HMCN1: variants seen among roughly 807,000 people sequenced by gnomAD.
HMCN1 encodes the protein hemicentin 1.
HMCN1 carries 321 observed loss-of-function variants against 625.9 expected under a neutral mutation model. The observed-to-expected ratio is 0.51, with a 90% CI of 0.47 to 0.56. The LOEUF (loss-of-function observed/expected upper bound fraction) is 0.56, where lower values mean the gene tolerates loss of function less well. Ranked by LOEUF, HMCN1 falls within the 20% of genes least tolerant of loss-of-function variation. The pLI is 0.00. For synonymous variants in HMCN1, 2,425 were observed against 2,417.6 expected (o/e 1.00, Z -0.09); for missense variants, 6,588 against 6,887.3 (o/e 0.96, Z 1.54).
At chr1:186,182,515 G>A (rs1653000086) in intron 105 of HMCN1, among the ~76,000 whole-genome samples, 1 of 152,148 alleles carries the variant, frequency 6.6e-6, no homozygotes, top group Non-Finnish European at 1.5e-5. Flanking sequence ...TTACTAGAAG[G>A]AGCAAGAATG....
intron 17 of HMCN1, among the ~76,000 whole-genome samples, 186 bp downstream of exon 17, chr1:185,981,259 A>G (rs904727975): frequency 1.3e-5 from 2 of 152,050 alleles, no homozygotes; most frequent in Non-Finnish European, 2.9e-5. Context: ...AACCTTAGAG[A>G]TTATCTGCTC....
At chr1:185,842,521 G>A (rs1007239469) in intron 1 of HMCN1, among the ~76,000 whole-genome samples, 2 of 151,658 alleles carry the variant, frequency 1.3e-5, no homozygotes, top group Admixed American at 1.3e-4. Flanking sequence ...CTGTGATCAT[G>A]CCATTGCACT....
intron 1 of HMCN1, among the ~76,000 whole-genome samples, chr1:185,790,906 G>A (rs1657945575): frequency 6.6e-6 from 1 of 152,024 alleles, no homozygotes; most frequent in Non-Finnish European, 1.5e-5. Flanking sequence ...AGAGACTAAT[G>A]GTGTATATAA....
At chr1:185,823,703 G>GA (rs1660338801) in intron 1 of HMCN1, among the ~76,000 whole-genome samples, 3 of 152,048 alleles carry the variant, frequency 2.0e-5, no homozygotes, top group Non-Finnish European at 4.4e-5. Context: ...TCCTGTTCTG[G>GA]AAAAATAAAC....
chr1:185,861,521 A>G (rs1662865945), intron 2 of HMCN1, among the ~76,000 whole-genome samples: 1 of 152,200 alleles, frequency 6.6e-6, no homozygotes, highest in South Asian at 2.1e-4. Context: ...TGAATATACA[A>G]TAGGAATTTA....
At chr1:186,079,276 C>G (rs1040694438) in intron 55 of HMCN1, among the ~76,000 whole-genome samples, 4 of 152,170 alleles carry the variant, frequency 2.6e-5, no homozygotes, top group African/African-American at 9.7e-5. Context: ...CTCTCTCTTG[C>G]AGTGTTAGCA....
intron 1 of HMCN1, among the ~76,000 whole-genome samples, chr1:185,786,619 A>T (rs1053527148): frequency 3.3e-5 from 5 of 152,208 alleles, no homozygotes; most frequent in African/African-American, 1.2e-4. Flanking sequence ...ACTAGCTGCA[A>T]ATGCCCTCTT....
chr1:185,885,076 T>C (rs1159042091), intron 4 of HMCN1, among the ~76,000 whole-genome samples: 1 of 149,536 alleles, frequency 6.7e-6, no homozygotes, highest in Non-Finnish European at 1.5e-5. Flanking sequence ...GGACATGCCT[T>C]CATTTTATGT....
intron 1 of HMCN1, among the ~76,000 whole-genome samples, chr1:185,797,965 CAAAAA>C (rs35031310): frequency 4.4e-4 from 6 of 13,662 alleles, no homozygotes; most frequent in South Asian, 5.7e-3. Flanking sequence ...GACTCCGTCT[CAAAAA>C]AAAAAAAAAA....
chr1:186,029,463 T>A (rs1210592019), intron 36 of HMCN1, among the ~76,000 whole-genome samples: 1 of 152,104 alleles, frequency 6.6e-6, no homozygotes, highest in Non-Finnish European at 1.5e-5. Flanking sequence ...GTAGTTTATA[T>A]CTTTCTAAGA....
chr1:185,853,130 A>T (rs898917656), intron 2 of HMCN1, among the ~76,000 whole-genome samples: 1 of 152,136 alleles, frequency 6.6e-6, no homozygotes, highest in African/African-American at 2.4e-5. Context: ...TTTGTATGTT[A>T]CTTCAAAGTA....
At chr1:186,085,564 T>C (rs1659427363) in intron 57 of HMCN1, among the ~76,000 whole-genome samples, 1 of 152,104 alleles carries the variant, frequency 6.6e-6, no homozygotes, top group African/African-American at 2.4e-5. Context: ...ACACATGAAT[T>C]TGCGGGGACA....
intron 4 of HMCN1, among the ~76,000 whole-genome samples, chr1:185,872,650 G>T (rs1365998964): frequency 6.6e-6 from 1 of 152,086 alleles, no homozygotes; most frequent in African/African-American, 2.4e-5. Flanking sequence ...AACAGCAGGG[G>T]ATGAGACCAG....
rs755158206 is a variant in HMCN1 at position 186,174,495 on chromosome 1, A to G, written c.15815-19A>G. 1.2e-6 allele frequency: 2 copies of G among 1,613,422 alleles called. No individual in the cohort carries two copies. The highest frequency in any genetic ancestry group is 1.3e-5 in the African/African-American group (1 of 75,044). On this transcript the variant is annotated intron_variant, in intron 102 of 106. Coordinates refer to ENST00000271588, the MANE Select transcript of HMCN1 (RefSeq NM_031935.3). ...TTTGAAAGAGGAAATGTTACTTCTC[A>G]TTGCCTCCATGTCTGTAGATATTGA... is the stretch of plus-strand genomic sequence containing the variant.
chr1:186,187,738 T>A, intron 105 of HMCN1, 145 bp from the exon 106 acceptor site: 1 of 1,043,292 alleles, frequency 9.6e-7, no homozygotes. Flanking sequence ...CATTTTGTGG[T>A]TAAAGAAGGT....
At chr1:186,100,785 T>A (rs1471398054) in intron 68 of HMCN1, among the ~76,000 whole-genome samples, 3 of 152,138 alleles carry the variant, frequency 2.0e-5, no homozygotes, top group Admixed American at 2.0e-4. Flanking sequence ...TAGGCAGTTG[T>A]TGGATTGGTT....
intron 30 of HMCN1, among the ~76,000 whole-genome samples, chr1:186,014,368 C>T (rs982467567): frequency 1.3e-5 from 2 of 151,518 alleles, no homozygotes; most frequent in Admixed American, 6.6e-5. Context: ...TACATGTGCA[C>T]ATTGTGCAGG....
rs910605721 is a variant in HMCN1 at position 186,094,292 on chromosome 1, G to T, written c.10213G>T (p.Val3405Leu). ...GQVIRIVRAQ[V>L]SDVAVYTCVA... ...GTTTCTCAGGATTGTGAGAGCTCAG[G>T]TGTCTGATGTCGCTGTGTATACTTG... Residue 3405 changes from valine (V) to leucine (L), a missense_variant, in exon 67 of 107, where the codon GTG becomes TTG. By Grantham distance (32) the Val-to-Leu change is conservative. Transcript: ENST00000271588. 1.9e-6 allele frequency: 3 copies of T among 1,613,008 alleles called. No homozygotes were observed. Among genetic ancestry groups the T allele is most frequent in the Non-Finnish European group, 1.7e-6 (2 of 1,179,392 alleles).
intron 57 of HMCN1, among the ~76,000 whole-genome samples, chr1:186,085,186 C>T (rs1158587004): frequency 6.6e-6 from 1 of 152,114 alleles, no homozygotes; most frequent in Non-Finnish European, 1.5e-5. Flanking sequence ...TCTCTTAAAC[C>T]TTCACGCCCT....
Sources: allele counts gnomAD v4.1 joint callset (sites outside exome capture counted in the v4.1 genomes callset), GRCh38; gene constraint gnomAD v4.1.1; transcripts MANE v1.5; gene names NCBI Gene and HGNC (gene_info 2026-07-23, HGNC 2026-07-21).